Variants in ST3GAL3 observed in about 807,000 individuals in gnomAD.
ST3GAL3 encodes the protein CMP-N-acetylneuraminate-beta-1,4-galactoside alpha-2,3-sialyltransferase.
ST3GAL3 carries 21 observed loss-of-function variants against 50.1 expected under a neutral mutation model. The ratio of observed to expected loss-of-function variants is 0.42; its 90% confidence interval spans 0.30 to 0.60. ST3GAL3 has a LOEUF of 0.60. Ranked by LOEUF, ST3GAL3 falls within the 20% of genes least tolerant of loss-of-function variation. The probability of loss-of-function intolerance (pLI) is 0.19; values close to 1 mark genes in which losing one functional copy is unlikely to be tolerated. For missense variants in ST3GAL3, 353 were observed against 489.4 expected, an observed-to-expected ratio of 0.72 and a Z score of 2.63; for synonymous variants, 183 against 190.0, an observed-to-expected ratio of 0.96 and a Z score of 0.30.
chr1:43,915,889 T>C (rs2154290657), intron 9 of ST3GAL3, among the ~76,000 whole-genome samples: 1 of 152,218 alleles, frequency 6.6e-6, no homozygotes, highest in East Asian at 1.9e-4. Flanking sequence ...GAGGCCGAGG[T>C]GGGCGGGTCT....
intron 3 of ST3GAL3, among the ~76,000 whole-genome samples, chr1:43,792,783 G>T (rs2058242120): frequency 6.6e-6 from 1 of 152,196 alleles, no homozygotes; most frequent in Non-Finnish European, 1.5e-5. Context: ...CATGTCTAGG[G>T]CAGTTTACCT....
At chr1:43,903,990 A>AAT (rs2078722679) in intron 9 of ST3GAL3, among the ~76,000 whole-genome samples, 1 of 152,172 alleles carries the variant, frequency 6.6e-6, no homozygotes, top group South Asian at 2.1e-4. Flanking sequence ...GTCTATAGCA[A>AAT]ATAGTAATGT....
chr1:43,818,169 A>G (rs1204061678), intron 4 of ST3GAL3, among the ~76,000 whole-genome samples: 1 of 152,078 alleles, frequency 6.6e-6, no homozygotes, highest in East Asian at 1.9e-4. Flanking sequence ...AGACCTTCTC[A>G]TTATATTAAC....
intron 2 of ST3GAL3, among the ~76,000 whole-genome samples, chr1:43,749,761 G>C (rs192172815): frequency 6.6e-6 from 1 of 152,282 alleles, no homozygotes; most frequent in East Asian, 1.9e-4. Flanking sequence ...GGACCCTTTG[G>C]GAAGTGATTG....
intron 11 of ST3GAL3, 97 bp downstream of exon 11, chr1:43,921,025 C>G (rs1404670915): frequency 7.2e-7 from 1 of 1,392,904 alleles, no homozygotes; most frequent in Non-Finnish European, 9.8e-7. Context: ...GTCTGGCTGC[C>G]CAGAACTCCC....
intron 1 of ST3GAL3, among the ~76,000 whole-genome samples, chr1:43,728,996 C>T (rs1674356726): frequency 6.6e-6 from 1 of 151,784 alleles, no homozygotes; most frequent in Non-Finnish European, 1.5e-5. Context: ...CTCAAGTGCT[C>T]CTCCCACTGC....
intron 2 of ST3GAL3, chr1:43,772,061 C>G (rs1695468604): frequency 7.6e-6 from 3 of 394,040 alleles, no homozygotes; most frequent in Admixed American, 4.5e-5. Context: ...TGGAGTTTCA[C>G]TCTTGTTGCC....
chr1:43,876,911 G>A (rs1230716971), intron 5 of ST3GAL3, among the ~76,000 whole-genome samples: 2 of 152,196 alleles, frequency 1.3e-5, no homozygotes, highest in Non-Finnish European at 2.9e-5. Context: ...TTAAAGACAA[G>A]GCATGGTGAT....
chr1:43,851,143 A>T, intron 5 of ST3GAL3: 1 of 1,246,688 alleles, frequency 8.0e-7, no homozygotes, highest in Non-Finnish European at 1.2e-6. Flanking sequence ...TGGTTCCTGC[A>T]CTGATCAGCT....
At chr1:43,729,961 C>G (rs1435001872) in intron 1 of ST3GAL3, among the ~76,000 whole-genome samples, 2 of 152,100 alleles carry the variant, frequency 1.3e-5, no homozygotes, top group African/African-American at 2.4e-5. Context: ...CCTGTTTTTA[C>G]CCCACAGCCT....
chr1:43,834,022 G>T (rs895182751), intron 4 of ST3GAL3, among the ~76,000 whole-genome samples: 2 of 151,938 alleles, frequency 1.3e-5, no homozygotes, highest in Non-Finnish European at 2.9e-5. Flanking sequence ...TTAGCCGGGC[G>T]CGGTGGCAGG....
At chr1:43,801,381 A>T (rs1221739759) in intron 3 of ST3GAL3, 1 of 456,238 alleles carries the variant, frequency 2.2e-6, no homozygotes, top group East Asian at 6.9e-5. Flanking sequence ...TAGGCTCATC[A>T]TGTACAACCG....
chr1:43,845,285 G>A (rs2066055098), intron 5 of ST3GAL3, among the ~76,000 whole-genome samples: 1 of 151,842 alleles, frequency 6.6e-6, no homozygotes, highest in South Asian at 2.1e-4. Context: ...GCCTAGCCAG[G>A]GAAGTTTTTT....
At chr1:43,797,761 A>G (rs1427003063) in intron 3 of ST3GAL3, among the ~76,000 whole-genome samples, 1 of 152,202 alleles carries the variant, frequency 6.6e-6, no homozygotes. Flanking sequence ...AAAGCAATAA[A>G]AAGGATACAG....
chr1:43,885,378 G>T (rs2075804540), intron 5 of ST3GAL3, among the ~76,000 whole-genome samples: 1 of 152,146 alleles, frequency 6.6e-6, no homozygotes, highest in African/African-American at 2.4e-5. Flanking sequence ...TCCTTCCCCG[G>T]GTCCTTCTCA....
chr1:43,873,072 G>A (rs2073339219), intron 5 of ST3GAL3, among the ~76,000 whole-genome samples: 1 of 152,154 alleles, frequency 6.6e-6, no homozygotes, highest in Non-Finnish European at 1.5e-5. Context: ...GTCACTCTAG[G>A]AATGGAGGAT....
At chr1:43,824,165 C>G (rs2062462143) in intron 4 of ST3GAL3, among the ~76,000 whole-genome samples, 1 of 152,120 alleles carries the variant, frequency 6.6e-6, no homozygotes, top group Non-Finnish European at 1.5e-5. Flanking sequence ...ATAGAGCCAC[C>G]TTTAATAACA....
At chr1:43,756,808 C>G (rs1477496655) in intron 2 of ST3GAL3, among the ~76,000 whole-genome samples, 2 of 152,126 alleles carry the variant, frequency 1.3e-5, no homozygotes, top group African/African-American at 4.8e-5. Flanking sequence ...TCACTAAAAC[C>G]TACAAAAGAT....
intron 2 of ST3GAL3, among the ~76,000 whole-genome samples, chr1:43,739,939 T>C (rs1037356507): frequency 1.3e-5 from 2 of 152,188 alleles, no homozygotes; most frequent in African/African-American, 2.4e-5. Context: ...TTATTATACA[T>C]GTAGTATGAT....
Sources: allele counts gnomAD v4.1 joint callset (sites outside exome capture counted in the v4.1 genomes callset), GRCh38; gene constraint gnomAD v4.1.1; transcripts MANE v1.5; gene names NCBI Gene and HGNC (gene_info 2026-07-23, HGNC 2026-07-21).